Variants in TTC13 observed in about 807,000 individuals in gnomAD.
TTC13 encodes the protein tetratricopeptide repeat domain 13.
Under a neutral mutation model 120.0 loss-of-function variants are expected in TTC13, and 62 were observed. That is an observed-to-expected ratio of 0.52 (90% CI 0.42 to 0.64). The LOEUF (loss-of-function observed/expected upper bound fraction) is 0.64. TTC13 is among the 30% of genes least tolerant of loss of function. The probability of loss-of-function intolerance (pLI) is 0.00; values close to 1 mark genes in which losing one functional copy is unlikely to be tolerated. For synonymous variants in TTC13, 384 were observed against 393.5 expected (o/e 0.98, Z 0.28); for missense variants, 824 against 1,050.2 (o/e 0.78, Z 2.98).
chr1:230,970,344 G>A (rs1314698870), intron 1 of TTC13, among the ~76,000 whole-genome samples: 1 of 152,220 alleles, frequency 6.6e-6, no homozygotes, highest in Non-Finnish European at 1.5e-5. Flanking sequence ...CTCCTTTGAG[G>A]AATTCTGCTG....
intron 4 of TTC13, among the ~76,000 whole-genome samples, chr1:230,949,793 C>G (rs1572253323): frequency 6.6e-6 from 1 of 152,240 alleles, no homozygotes; most frequent in East Asian, 1.9e-4. Context: ...CTACAGGCGC[C>G]AGCCACCATG....
intron 2 of TTC13, among the ~76,000 whole-genome samples, chr1:230,959,028 A>G (rs139131247): frequency 9.6e-4 from 146 of 152,312 alleles, no homozygotes; most frequent in African/African-American, 3.4e-3. Flanking sequence ...AGATGGCTTG[A>G]TTGTGGCAAC....
chr1:230,906,783 T>G lies in TTC13; in HGVS notation c.*122A>C, dbSNP rs116027035. ...AAAGAAAATGATTTCAAGTATTCAA[T>G]TCCTATAAAAATTGGTATCAAAAGT... On this transcript the variant is annotated 3_prime_UTR_variant, in exon 23 of 23. Coordinates refer to ENST00000366661, the MANE Select transcript of TTC13 (RefSeq NM_024525.5). The G allele has an allele frequency of 9.7e-4, 413 of 426,800 alleles. 2 individuals are homozygous for G. Among genetic ancestry groups the G allele is most frequent in the African/African-American group, 7.7e-3 (376 of 48,668 alleles). 26.4% of individuals were successfully genotyped at this position (426,800 alleles called of 1,614,324 possible).
rs1309395216 is a variant in TTC13 at position 230,912,411 on chromosome 1, G to A, written c.2229+212C>T. On this transcript the variant is annotated intron_variant, in intron 19 of 22. Coordinates refer to ENST00000366661, the MANE Select transcript of TTC13 (RefSeq NM_024525.5). ...AGCCCAAACTTATGATAATGTCATA[G>A]TGCAGTACTAAATTATTAATTTATT... Among the ~76,000 whole-genome samples the A allele has an allele frequency of 2.0e-5, 3 of 152,244 alleles. No individual in the cohort carries two copies. The East Asian group carries it at 5.8e-4, about 29-fold the overall frequency.
chr1:230,958,049 T>C (rs1404728413), intron 3 of TTC13, among the ~76,000 whole-genome samples, 175 bp downstream of exon 3: 1 of 145,984 alleles, frequency 6.9e-6, no homozygotes, highest in African/African-American at 2.6e-5. Flanking sequence ...CTTTTTTTTT[T>C]CTCTTGACAT....
Position 230,940,701 on chromosome 1 carries a change from C to T in TTC13, c.673-145G>A, listed in dbSNP as rs1344522231. The T allele has an allele frequency of 3.1e-5, 18 of 580,218 alleles. No homozygotes were observed. The highest frequency in any genetic ancestry group is 5.7e-5 in the African/African-American group (3 of 52,688). 35.9% of individuals were successfully genotyped at this position (580,218 alleles called of 1,614,324 possible). ...GCAATCCTTGACCCCCTATATTATG[C>T]GGTGGGGTTCAAAGTCAACCAGCTG... On this transcript the variant is annotated intron_variant, in intron 6 of 22. Transcript: ENST00000366661. This position sits in a 1 kb window ranked among gnomAD's most constrained non-coding sequence, Gnocchi z 4.1.
Position 230,916,231 on chromosome 1 carries a change from C to G in TTC13, c.2055G>C (p.Lys685Asn). The change falls in exon 18 of 23, where the codon AAG (lysine) becomes AAC (asparagine). Residue 685 changes from lysine to asparagine, a missense_variant. By Grantham distance (94) the Lys-to-Asn change is moderately conservative. Transcript: ENST00000366661. Reference protein sequence around the residue: ...TKVPSLKDQGKEYDGFTITIT... With the variant: ...TKVPSLKDQGNEYDGFTITIT... ...TCGTGATTGTGAATCCATCATATTC[C>G]TTCCCTTGGTCTTTAAGGCTGGGAA... The G allele has an allele frequency of 1.2e-6, 2 of 1,614,110 alleles. No homozygotes were observed. Among genetic ancestry groups the G allele is most frequent in the Non-Finnish European group, 1.7e-6 (2 of 1,179,964 alleles).
intron 4 of TTC13, among the ~76,000 whole-genome samples, chr1:230,947,827 A>G (rs915971760): frequency 6.6e-6 from 1 of 152,210 alleles, no homozygotes; most frequent in African/African-American, 2.4e-5. Context: ...CAGTTATTCT[A>G]CAAATACAAC....
At chr1:230,945,638 A>T (rs1308463033) in intron 4 of TTC13, among the ~76,000 whole-genome samples, 184 bp from the exon 5 acceptor site, 1 of 152,218 alleles carries the variant, frequency 6.6e-6, no homozygotes, top group Non-Finnish European at 1.5e-5. Context: ...ATTTGTATGA[A>T]ATGTGATAAA....
At chr1:230,968,384 T>C (rs1175736669) in intron 1 of TTC13, among the ~76,000 whole-genome samples, 1 of 152,180 alleles carries the variant, frequency 6.6e-6, no homozygotes, top group Non-Finnish European at 1.5e-5. Context: ...TTATTTCTAA[T>C]TCATTTATAC....
intron 2 of TTC13, among the ~76,000 whole-genome samples, chr1:230,958,550 G>C (rs758314720): frequency 3.9e-5 from 6 of 152,154 alleles, no homozygotes; most frequent in Non-Finnish European, 8.8e-5. Flanking sequence ...CTGGAACCTG[G>C]TAAAGCTTCA....
chr1:230,970,939 C>A (rs910310347), intron 1 of TTC13, among the ~76,000 whole-genome samples: 1 of 152,170 alleles, frequency 6.6e-6, no homozygotes, highest in Non-Finnish European at 1.5e-5. Context: ...ATAGGGTAAA[C>A]CTGCGAAGAG....
At chr1:230,919,064 G>C (rs555046791) in intron 17 of TTC13, among the ~76,000 whole-genome samples, 3 of 152,076 alleles carry the variant, frequency 2.0e-5, no homozygotes, top group African/African-American at 7.2e-5. Flanking sequence ...GTCCCTTTTA[G>C]TGTCCTTCCC....
chr1:230,926,047 G>A (rs1478508214), intron 12 of TTC13, among the ~76,000 whole-genome samples: 2 of 152,072 alleles, frequency 1.3e-5, no homozygotes, highest in Non-Finnish European at 2.9e-5. Flanking sequence ...TACTTGGAAT[G>A]ATACATTGAA....
intron 1 of TTC13, among the ~76,000 whole-genome samples, chr1:230,974,160 A>G (rs565397271): frequency 6.6e-6 from 1 of 152,262 alleles, no homozygotes; most frequent in East Asian, 1.9e-4. Flanking sequence ...TTAATGTAGC[A>G]GATCTACAGA....
intron 15 of TTC13, among the ~76,000 whole-genome samples, chr1:230,921,879 C>T (rs1672607051): frequency 6.6e-6 from 1 of 152,198 alleles, no homozygotes; most frequent in Non-Finnish European, 1.5e-5. Context: ...ATCCAATACC[C>T]TGTCTTGCTC....
Position 230,940,542 on chromosome 1 carries a change from C to G in TTC13, c.687G>C (p.Leu229=), listed in dbSNP as rs748908285. The G allele has an allele frequency of 1.2e-5, 20 of 1,609,460 alleles. No individual in the cohort carries two copies. The Admixed American group carries it at 3.3e-4, about 27-fold the overall frequency. ...FEQRAEILSP[L]GRINEAVNDL... is the part of the protein sequence containing the mutation. ...CATTCACTGCTTCATTAATTCGTCC[C>G]AGAGGGGACAGAATCTAGAAATCCC... Residue 229 remains leucine (L), a synonymous_variant, in exon 7 of 23, where the codon CTG becomes CTC. Coordinates refer to ENST00000366661, the MANE Select transcript of TTC13 (RefSeq NM_024525.5). This position sits in a 1 kb window ranked among gnomAD's most constrained non-coding sequence, Gnocchi z 4.1.
chr1:230,963,943 C>G (rs1676891638), intron 1 of TTC13, among the ~76,000 whole-genome samples: 1 of 152,146 alleles, frequency 6.6e-6, no homozygotes, highest in Non-Finnish European at 1.5e-5. Context: ...TGGTTCCTGG[C>G]AGATGGTTGG....
At chr1:230,943,745 G>A (rs1367367408) in intron 6 of TTC13, 61 bp downstream of exon 6, 8 of 1,382,214 alleles carry the variant, frequency 5.8e-6, no homozygotes, top group Non-Finnish European at 8.0e-6. Context: ...AAAGTAATAG[G>A]AAAAAAATTG....
Sources: allele counts gnomAD v4.1 joint callset (sites outside exome capture counted in the v4.1 genomes callset), GRCh38; gene constraint gnomAD v4.1.1; non-coding constraint Gnocchi (gnomAD v3.1); transcripts MANE v1.5; gene names NCBI Gene and HGNC (gene_info 2026-07-23, HGNC 2026-07-21).